The following FOXN3 variants were observed in gnomAD, a reference collection of about 807,000 sequenced individuals.
The protein encoded by FOXN3 is forkhead box N3.
Under a neutral mutation model 38.4 loss-of-function variants are expected in FOXN3, and 7 were observed. The observed-to-expected ratio is 0.18, with a 90% confidence interval of 0.10 to 0.34. The LOEUF (loss-of-function observed/expected upper bound fraction) is 0.34, where lower values mean the gene tolerates loss of function less well. FOXN3 is among the 10% of genes least tolerant of loss of function. FOXN3 has a pLI of 1.00. For synonymous variants in FOXN3, 230 were observed against 242.2 expected (o/e 0.95, Z 0.47); for missense variants, 456 against 613.4 (o/e 0.74, Z 2.71).
At chr14:89,406,250 CAA>C (rs925663125) in intron 2 of FOXN3, among the ~76,000 whole-genome samples, 1 of 140,502 alleles carries the variant, frequency 7.1e-6, no homozygotes, top group Non-Finnish European at 1.6e-5. Context: ...CGCAGCCCTA[CAA>C]AAAAAAAAAA....
chr14:89,444,007 C>CAAAAAAAA (rs569571116), intron 1 of FOXN3, among the ~76,000 whole-genome samples: 6 of 67,614 alleles, frequency 8.9e-5, no homozygotes, highest in African/African-American at 1.2e-4. Context: ...GAAACTCTGT[C>CAAAAAAAA]AAAAAAAAAA....
At chr14:89,415,847 T>TACATACACAC (rs1284424954) in intron 1 of FOXN3, among the ~76,000 whole-genome samples, 1 of 140,416 alleles carries the variant, frequency 7.1e-6, no homozygotes, top group African/African-American at 2.8e-5. Context: ...AACTTTTCTC[T>TACATACACAC]ACACACACAC....
intron 1 of FOXN3, among the ~76,000 whole-genome samples, chr14:89,458,084 C>T (rs966969950): frequency 6.7e-6 from 1 of 150,184 alleles, no homozygotes; most frequent in African/African-American, 2.5e-5. Context: ...CTGTGTCTCA[C>T]CTGCTGAACA....
intron 1 of FOXN3, among the ~76,000 whole-genome samples, chr14:89,578,372 G>A (rs781250046): frequency 6.6e-6 from 1 of 152,070 alleles, no homozygotes; most frequent in Non-Finnish European, 1.5e-5. Context: ...AGGCACTTCT[G>A]TCTCTTCTAC....
intron 2 of FOXN3, among the ~76,000 whole-genome samples, chr14:89,373,038 G>A (rs1331455019): frequency 6.6e-6 from 1 of 152,008 alleles, no homozygotes; most frequent in Non-Finnish European, 1.5e-5. Flanking sequence ...TCGTGACGCA[G>A]GCCTGTGGTC....
intron 4 of FOXN3, among the ~76,000 whole-genome samples, chr14:89,218,693 A>G (rs1340320003): frequency 6.6e-6 from 1 of 152,212 alleles, no homozygotes; most frequent in Non-Finnish European, 1.5e-5. Flanking sequence ...TGGCTTTTAT[A>G]AAGAATGCTG....
At chr14:89,190,534 G>A in intron 4 of FOXN3, 2 of 1,100,456 alleles carry the variant, frequency 1.8e-6, no homozygotes, top group Non-Finnish European at 2.7e-6. Flanking sequence ...TACAGTTTAT[G>A]AATGCAACAG....
intron 3 of FOXN3, among the ~76,000 whole-genome samples, chr14:89,300,817 G>A (rs1887195768): frequency 6.6e-6 from 1 of 152,194 alleles, no homozygotes. Context: ...ATTTATTTGA[G>A]ATGGAGTCTC....
chr14:89,256,130 CT>C (rs1885612484), intron 4 of FOXN3, among the ~76,000 whole-genome samples: 1 of 152,178 alleles, frequency 6.6e-6, no homozygotes, highest in Non-Finnish European at 1.5e-5. Context: ...CCTTCCCTGC[CT>C]GCCACCCTCC....
rs560466984 is a variant in FOXN3, at chr14:89,292,082, C to CGAAG, written c.681-11072_681-11069dup. Among the ~76,000 whole-genome samples, 9 of 152,294 alleles carry CGAAG rather than the reference C, an allele frequency of 5.9e-5. No individual in the cohort carries two copies. The East Asian group carries it at 1.7e-3, about 29-fold the overall frequency. On this transcript the variant is annotated intron_variant, in intron 3 of 5. Transcript: ENST00000557258. ...GCACCGTCACCTCCTCTTTTCTAAA[C>CGAAG]GAAGGACATGCCCTTCCTTCCACCT...
At chr14:89,245,155 G>A (rs1199114713) in intron 4 of FOXN3, among the ~76,000 whole-genome samples, 1 of 152,156 alleles carries the variant, frequency 6.6e-6, no homozygotes, top group East Asian at 1.9e-4. Flanking sequence ...TTTTAATGCA[G>A]AAAAGGAATG....
intron 1 of FOXN3, among the ~76,000 whole-genome samples, chr14:89,578,659 C>T (rs1895682628): frequency 6.6e-6 from 1 of 152,146 alleles, no homozygotes; most frequent in African/African-American, 2.4e-5. Flanking sequence ...CTCCCTTTCT[C>T]TCACCCTCCC....
Position 89,280,932 on chromosome 14 carries a change from G to A in FOXN3, c.745+18C>T. 1.2e-6 allele frequency: 2 copies of A among 1,608,754 alleles called. No individual in the cohort carries two copies. The highest frequency in any genetic ancestry group is 1.7e-6 in the Non-Finnish European group (2 of 1,175,648). On this transcript the variant is annotated intron_variant, in intron 4 of 5. Coordinates refer to ENST00000557258, the MANE Select transcript of FOXN3 (RefSeq NM_005197.4). ...GGGTGAGGGGGAGGGAGAGGAAGGGGTGTTACTAGGGACCTACCTTGGAGA... is the reference window on the plus strand; with the variant it reads ...GGGTGAGGGGGAGGGAGAGGAAGGGATGTTACTAGGGACCTACCTTGGAGA...
rs1236583048 is a variant in FOXN3, at chr14:89,364,070, A to G, written c.544-13262T>C. ...GCCCTTCATTTTCTAAAATTCTATC[A>G]TTTACAGTCTAACGACATTGGGGAA... is the stretch of plus-strand genomic sequence containing the variant. On this transcript the variant is annotated intron_variant, in intron 2 of 5. Coordinates refer to ENST00000557258, the MANE Select transcript of FOXN3 (RefSeq NM_005197.4). Among the ~76,000 whole-genome samples the G allele has an allele frequency of 4.1e-5, 6 of 147,076 alleles. No individual in the cohort carries two copies. The East Asian group carries it at 7.8e-4, about 19-fold the overall frequency.
At chr14:89,611,616 T>C (rs242761) in intron 1 of FOXN3, among the ~76,000 whole-genome samples, 57,956 of 151,824 alleles carry the variant, frequency 0.38, 12,738 homozygotes, top group East Asian at 0.59. Context: ...ACCATCCTGG[T>C]TAACACGGTG....
intron 4 of FOXN3, among the ~76,000 whole-genome samples, chr14:89,202,131 C>G (rs1180667446): frequency 6.6e-6 from 1 of 152,226 alleles, no homozygotes; most frequent in Non-Finnish European, 1.5e-5. Flanking sequence ...CCCACCTCTC[C>G]ACTGTCTTCC....
At chr14:89,483,124 T>G (rs1426534204) in intron 1 of FOXN3, among the ~76,000 whole-genome samples, 1 of 152,050 alleles carries the variant, frequency 6.6e-6, no homozygotes, top group African/African-American at 2.4e-5. Context: ...GGAGAATCGC[T>G]TGAACCCAGG....
intron 2 of FOXN3, among the ~76,000 whole-genome samples, chr14:89,380,106 A>G (rs1435249839): frequency 6.6e-6 from 1 of 152,244 alleles, no homozygotes; most frequent in Non-Finnish European, 1.5e-5. Context: ...TGTAGTTCCC[A>G]TAATTCCCAC....
At chr14:89,228,225 G>A (rs982482170) in intron 4 of FOXN3, among the ~76,000 whole-genome samples, 20 of 152,254 alleles carry the variant, frequency 1.3e-4, no homozygotes, top group Admixed American at 3.9e-4. Context: ...TTGATGGTCT[G>A]ATAAAAGAGG....
Sources: gnomAD v4.1 joint callset for allele counts (sites outside exome capture counted in the v4.1 genomes callset) on GRCh38, gnomAD v4.1.1 for gene constraint, MANE v1.5 for transcripts, NCBI Gene and HGNC (gene_info 2026-07-23, HGNC 2026-07-21) for gene names.